Variants in TAPT1 observed in about 807,000 individuals in gnomAD.
TAPT1 encodes the protein transmembrane anterior posterior transformation 1.
Under a neutral mutation model 65.6 loss-of-function variants are expected in TAPT1, and 28 were observed. The observed-to-expected ratio is 0.43, with a 90% CI of 0.32 to 0.59. The LOEUF (loss-of-function observed/expected upper bound fraction) is 0.59, where lower values mean the gene tolerates loss of function less well. Ranked by LOEUF, TAPT1 falls within the 20% of genes least tolerant of loss-of-function variation. The probability of loss-of-function intolerance (pLI) is 0.09; values close to 1 mark genes in which losing one functional copy is unlikely to be tolerated. For missense variants in TAPT1, 563 were observed against 679.9 expected, an observed-to-expected ratio of 0.83 and a Z score of 1.91; for synonymous variants, 278 against 245.2, an observed-to-expected ratio of 1.13 and a Z score of -1.25.
chr4:16,168,349 A>G (rs1393714249), intron 12 of TAPT1, among the ~76,000 whole-genome samples: 3 of 152,082 alleles, frequency 2.0e-5, no homozygotes, highest in Admixed American at 6.5e-5. Context: ...GGCTCAAGCA[A>G]TCCTCCCACC....
intron 3 of TAPT1, chr4:16,196,770 C>G (rs770981092): frequency 9.6e-7 from 1 of 1,040,292 alleles, no homozygotes; most frequent in Non-Finnish European, 1.3e-6. Flanking sequence ...AATGTTGCTA[C>G]GCTACTTAGA....
Position 16,194,475 on chromosome 4 carries a change from T to C in TAPT1, c.450-2952A>G, listed in dbSNP as rs1439486487. 7.9e-5 allele frequency among the ~76,000 whole-genome samples: 12 copies of C among 152,206 alleles called. No homozygotes were observed. In the East Asian group the frequency reaches 2.3e-3, roughly 29 times the overall value. ...ATGCTCTTCAGAAACATCTGCACTC[T>C]AGACTTTTTAAAACAGAACTTCTAA... On this transcript the variant is annotated intron_variant, in intron 3 of 13. Coordinates refer to ENST00000405303, the MANE Select transcript of TAPT1 (RefSeq NM_153365.3).
rs542211106 is a variant in TAPT1, at chr4:16,225,856, C to T, written c.199+403G>A. ...CTATGGCTCAAGTTTGCTTAAAATA[C>T]AGAACAAAAAAAGTCACCTTGGCAT... is the stretch of plus-strand genomic sequence containing the variant. On this transcript the variant is annotated intron_variant, in intron 1 of 13. Coordinates refer to ENST00000405303, the MANE Select transcript of TAPT1 (RefSeq NM_153365.3). 37 of 985,052 alleles carry T rather than the reference C, an allele frequency of 3.8e-5. No individual in the cohort carries two copies. In the East Asian group the frequency reaches 2.0e-3, roughly 54 times the overall value. 61.0% of individuals were successfully genotyped at this position (985,052 alleles called of 1,614,324 possible).
intron 1 of TAPT1, chr4:16,225,783 C>A: frequency 1.6e-6 from 1 of 617,728 alleles, no homozygotes; most frequent in Non-Finnish European, 2.0e-6. Context: ...ACTACCACAC[C>A]GTCAGCTGTC....
At chr4:16,225,230 A>G (rs1269773671) in intron 1 of TAPT1, among the ~76,000 whole-genome samples, 3 of 152,238 alleles carry the variant, frequency 2.0e-5, no homozygotes, top group Non-Finnish European at 4.4e-5. Context: ...CAGCAAATCA[A>G]TTAGAATCGC....
chr4:16,173,532 C>T (rs574060300), intron 11 of TAPT1, among the ~76,000 whole-genome samples: 1 of 151,828 alleles, frequency 6.6e-6, no homozygotes, highest in Non-Finnish European at 1.5e-5. Context: ...CATTCTCCTG[C>T]CTCAGCCTCC....
chr4:16,186,640 A>G (rs780516864), intron 6 of TAPT1, 36 bp from the exon 7 acceptor site: 13 of 1,457,482 alleles, frequency 8.9e-6, no homozygotes, highest in Admixed American at 4.1e-5. Context: ...CTTTATGATT[A>G]TAACAGTTTA....
At chr4:16,218,462 T>C (rs1190056520) in intron 1 of TAPT1, among the ~76,000 whole-genome samples, 2 of 152,234 alleles carry the variant, frequency 1.3e-5, no homozygotes, top group African/African-American at 4.8e-5. Context: ...CTCTGGTGAC[T>C]GGAGATGACA....
At chr4:16,178,245 G>A (rs947350494) in intron 8 of TAPT1, among the ~76,000 whole-genome samples, 1 of 152,136 alleles carries the variant, frequency 6.6e-6, no homozygotes, top group Non-Finnish European at 1.5e-5. Flanking sequence ...CCACAAGCCA[G>A]GTAGCCTGCT....
intron 3 of TAPT1, chr4:16,196,621 G>C: frequency 8.7e-7 from 1 of 1,148,252 alleles, no homozygotes; most frequent in Non-Finnish European, 1.2e-6. Context: ...TGTCAATTTG[G>C]CCAAGAGTAT....
At chr4:16,214,729 T>C (rs1177731079) in intron 1 of TAPT1, 1 of 152,234 alleles carries the variant, frequency 6.6e-6, no homozygotes, top group African/African-American at 2.4e-5. Flanking sequence ...CAGCACCCCT[T>C]ACTTCATCTA....
At chr4:16,166,853 C>A in intron 12 of TAPT1, 60 bp from the exon 13 acceptor site, 1 of 1,533,682 alleles carries the variant, frequency 6.5e-7, no homozygotes, top group Non-Finnish European at 9.0e-7. Flanking sequence ...CCTGTGAATG[C>A]CATCTACTAC....
At chr4:16,208,043 T>C (rs144564739) in intron 2 of TAPT1, among the ~76,000 whole-genome samples, 3 of 152,298 alleles carry the variant, frequency 2.0e-5, no homozygotes, top group Admixed American at 6.5e-5. Flanking sequence ...GAAAAGAATA[T>C]TGCTAAAAGG....
At chr4:16,173,751 T>C (rs1748153123) in intron 11 of TAPT1, among the ~76,000 whole-genome samples, 1 of 152,234 alleles carries the variant, frequency 6.6e-6, no homozygotes, top group South Asian at 2.1e-4. Context: ...CCATAAATCA[T>C]TGTGTGTCTT....
chr4:16,174,228 A>G lies in TAPT1; in HGVS notation c.1212T>C (p.Phe404=). ...CTAAAACAGCTAGTGGGAGAGGAAT[A>G]AAGCCCATCCTCCGTGCTACAGAGT... ...YSDSVARRMG[F]IPLPLAVLLI... Residue 404 remains phenylalanine, a synonymous_variant, in exon 11 of 14, where the codon TTT becomes TTC. Coordinates refer to ENST00000405303, the MANE Select transcript of TAPT1 (RefSeq NM_153365.3). 4 of 1,608,082 alleles carry G rather than the reference A, an allele frequency of 2.5e-6. No individual in the cohort carries two copies. Among genetic ancestry groups the G allele is most frequent in the Non-Finnish European group, 3.4e-6 (4 of 1,177,186 alleles).
In TAPT1 at chr4:16,188,227, G is replaced by A. The variant is rs368157416; in HGVS notation, c.741C>T (p.Leu247=). The A allele has an allele frequency of 1.1e-5, 18 of 1,606,188 alleles. No homozygotes were observed. Among genetic ancestry groups the A allele is most frequent in the Non-Finnish European group, 1.5e-5 (18 of 1,177,610 alleles). Residue 247 remains leucine, a synonymous_variant, in exon 5 of 14, where the codon CTC becomes CTT. Coordinates refer to ENST00000405303, the MANE Select transcript of TAPT1 (RefSeq NM_153365.3). ...GTAGGTCTATAAGGATACAGACATA[G>A]AGAACAGCCATGAAAAAGTGAGGAA... ...GVIPHFFMAV[L]YVFLHAILIM...
chr4:16,202,454 A>T lies in TAPT1; in HGVS notation c.449+8T>A. 6.8e-7 allele frequency: 1 copy of T among 1,463,384 alleles called. No homozygotes were observed. The highest frequency in any genetic ancestry group is 9.4e-7 in the Non-Finnish European group (1 of 1,068,102). 90.6% of individuals were successfully genotyped at this position (1,463,384 alleles called of 1,614,324 possible). On this transcript the variant is annotated splice_region_variant and intron_variant, in intron 3 of 13. Transcript: ENST00000405303. The stretch of plus-strand genomic sequence containing the variant: ...TACATTTACAATAGTTAACGATCTT[A>T]AACTTACCTTAAGCCATAGCAAGGC...
intron 2 of TAPT1, among the ~76,000 whole-genome samples, chr4:16,210,163 T>G (rs888543535): frequency 6.6e-5 from 10 of 152,072 alleles, no homozygotes; most frequent in African/African-American, 2.4e-4. Context: ...ACAGCCTAGG[T>G]AAAAGGAAAG....
intron 3 of TAPT1, among the ~76,000 whole-genome samples, chr4:16,202,010 T>C (rs1750060345): frequency 6.6e-6 from 1 of 152,140 alleles, no homozygotes; most frequent in Non-Finnish European, 1.5e-5. Context: ...GATTCTCAAA[T>C]GAAATGGAGG....
Sources: allele counts gnomAD v4.1 joint callset (sites outside exome capture counted in the v4.1 genomes callset), GRCh38; gene constraint gnomAD v4.1.1; transcripts MANE v1.5; gene names NCBI Gene and HGNC (gene_info 2026-07-23, HGNC 2026-07-21).